The following VPS13B variants were observed in gnomAD, a reference collection of about 807,000 sequenced individuals.
VPS13B encodes the protein intermembrane lipid transfer protein VPS13B.
VPS13B carries 285 observed loss-of-function variants against 426.4 expected under a neutral mutation model. That is an observed-to-expected ratio of 0.67 (90% CI 0.61 to 0.74). The LOEUF (loss-of-function observed/expected upper bound fraction) is 0.74, where lower values mean the gene tolerates loss of function less well. VPS13B is among the 30% of genes least tolerant of loss of function. The pLI is 0.00. For synonymous variants in VPS13B, 1,676 were observed against 1,676.4 expected, an observed-to-expected ratio of 1.00 and a Z score of 0.01; for missense variants, 4,537 against 4,782.6, an observed-to-expected ratio of 0.95 and a Z score of 1.51.
intron 51 of VPS13B, among the ~76,000 whole-genome samples, chr8:99,828,396 T>TGC (rs1563495240): frequency 1.8e-4 from 5 of 27,482 alleles, no homozygotes; most frequent in Non-Finnish European, 3.7e-4. Flanking sequence ...CAACCACCGT[T>TGC]TTTTTTTTTT....
At chr8:99,191,533 G>A (rs1398200825) in intron 16 of VPS13B, among the ~76,000 whole-genome samples, 1 of 151,536 alleles carries the variant, frequency 6.6e-6, no homozygotes, top group Non-Finnish European at 1.5e-5. Flanking sequence ...ACAGGCACAT[G>A]CCACCACGCC....
intron 35 of VPS13B, among the ~76,000 whole-genome samples, chr8:99,688,884 TA>T (rs1195273036): frequency 6.6e-6 from 1 of 152,040 alleles, no homozygotes; most frequent in Non-Finnish European, 1.5e-5. Flanking sequence ...TGGATCCTGG[TA>T]AAACAGGTTA....
intron 3 of VPS13B, among the ~76,000 whole-genome samples, chr8:99,066,576 C>T (rs1054694873): frequency 6.6e-6 from 1 of 152,202 alleles, no homozygotes; most frequent in East Asian, 1.9e-4. Context: ...CAATACCATT[C>T]AGGACATAGG....
intron 17 of VPS13B, among the ~76,000 whole-genome samples, chr8:99,226,454 G>A (rs940921998): frequency 3.3e-5 from 5 of 152,034 alleles, no homozygotes; most frequent in Non-Finnish European, 7.4e-5. Flanking sequence ...TTATTCCACT[G>A]ACGTCCTTTT....
At chr8:99,557,090 G>GT (rs1326199295) in intron 31 of VPS13B, among the ~76,000 whole-genome samples, 7 of 151,946 alleles carry the variant, frequency 4.6e-5, no homozygotes, top group African/African-American at 1.7e-4. Flanking sequence ...TGGCTCTAGG[G>GT]TTTTTTCCAT....
At chr8:99,111,960 T>A (rs1006884013) in intron 6 of VPS13B, among the ~76,000 whole-genome samples, 3 of 152,082 alleles carry the variant, frequency 2.0e-5, no homozygotes, top group Non-Finnish European at 2.9e-5. Context: ...CCTCCTTCCC[T>A]CCTTTTAGAA....
At chr8:99,694,855 AAAAC>A (rs1293991655) in intron 35 of VPS13B, among the ~76,000 whole-genome samples, 34 of 152,268 alleles carry the variant, frequency 2.2e-4, no homozygotes, top group Middle Eastern at 3.4e-3. Flanking sequence ...TTACAAGAAA[AAAAC>A]AAACAACCCC....
chr8:99,563,766 TAATGAC>T (rs1825051034), intron 31 of VPS13B, among the ~76,000 whole-genome samples: 1 of 152,176 alleles, frequency 6.6e-6, no homozygotes. Flanking sequence ...CTAACTTAAT[TAATGAC>T]AGAGTGATGA....
At chr8:99,598,411 C>T (rs117108431) in intron 33 of VPS13B, among the ~76,000 whole-genome samples, 4,164 of 151,964 alleles carry the variant, frequency 0.027, 80 homozygotes, top group Non-Finnish European at 0.043. Context: ...TATAGAAGGG[C>T]GAGAGTGCTG....
chr8:99,179,136 C>T (rs1351917945), intron 16 of VPS13B, among the ~76,000 whole-genome samples: 2 of 152,018 alleles, frequency 1.3e-5, no homozygotes, highest in East Asian at 3.9e-4. Flanking sequence ...AATTTTGGTG[C>T]CTATCATGTT....
intron 6 of VPS13B, among the ~76,000 whole-genome samples, chr8:99,114,234 G>A (rs1015706149): frequency 1.3e-5 from 2 of 151,752 alleles, no homozygotes; most frequent in Non-Finnish European, 2.9e-5. Flanking sequence ...ACATTAAGGG[G>A]AGTGCCTATG....
intron 39 of VPS13B, among the ~76,000 whole-genome samples, chr8:99,743,423 A>G (rs2130491133): frequency 6.6e-6 from 1 of 152,124 alleles, no homozygotes; most frequent in East Asian, 1.9e-4. Context: ...ATTCAATGCC[A>G]TCCCCATCAA....
At chr8:99,271,698 G>T (rs1341786083) in intron 17 of VPS13B, among the ~76,000 whole-genome samples, 2 of 152,170 alleles carry the variant, frequency 1.3e-5, no homozygotes, top group South Asian at 2.1e-4. Flanking sequence ...GAATGCGAAG[G>T]GGAAGCAAGT....
At chr8:99,228,560 G>T (rs945065189) in intron 17 of VPS13B, among the ~76,000 whole-genome samples, 67 of 152,056 alleles carry the variant, frequency 4.4e-4, no homozygotes, top group African/African-American at 1.5e-3. Context: ...AATGTTTGGG[G>T]CTTGAATTTG....
At position 99,661,484 on chromosome 8, in the gene VPS13B, T is replaced by C. The variant is rs1211147648; in HGVS notation, c.6039T>C (p.Asn2013=). The C allele has an allele frequency of 6.2e-7, 1 of 1,612,946 alleles. No homozygotes were observed. The highest frequency in any genetic ancestry group is 1.1e-5 in the South Asian group (1 of 91,068). ...CACTACAGATTAAAGACTTTCTGAA[T>C]GGACCAGGTAAGAAAGTCATAAAAT... The part of the protein sequence containing the change: ...FITLQIKDFL[N]GPADVNLDIS... Residue 2013 remains asparagine (N), a synonymous_variant, in exon 35 of 62, where the codon AAT becomes AAC. Transcript: ENST00000357162.
intron 36 of VPS13B, among the ~76,000 whole-genome samples, chr8:99,712,882 A>G (rs1029230236): frequency 2.0e-5 from 3 of 152,110 alleles, no homozygotes; most frequent in Non-Finnish European, 4.4e-5. Context: ...AATAAAGTCA[A>G]TAAGAACTTG....
chr8:99,075,081 T>A (rs1157727290), intron 3 of VPS13B, among the ~76,000 whole-genome samples: 1 of 152,166 alleles, frequency 6.6e-6, no homozygotes, highest in African/African-American at 2.4e-5. Flanking sequence ...GCTTGATAAA[T>A]TTAGCAGTAA....
intron 30 of VPS13B, among the ~76,000 whole-genome samples, chr8:99,535,351 A>C (rs1344289109): frequency 1.3e-5 from 2 of 152,186 alleles, no homozygotes; most frequent in Admixed American, 1.3e-4. Flanking sequence ...ACTGTCCTAG[A>C]ATAAACACTA....
intron 5 of VPS13B, among the ~76,000 whole-genome samples, chr8:99,104,805 T>G (rs1348806112): frequency 2.0e-5 from 3 of 151,926 alleles, no homozygotes. Context: ...TGTATTTTTT[T>G]GTAGAGATGG....
Sources: gnomAD v4.1 joint callset for allele counts (sites outside exome capture counted in the v4.1 genomes callset) on GRCh38, gnomAD v4.1.1 for gene constraint, MANE v1.5 for transcripts, NCBI Gene and HGNC (gene_info 2026-07-23, HGNC 2026-07-21) for gene names.